ME1: variants seen among roughly 807,000 people sequenced by gnomAD.
ME1 encodes malic enzyme 1.
ME1 carries 74 observed loss-of-function variants against 66.4 expected under a neutral mutation model. That is an observed-to-expected ratio of 1.11 (90% CI 0.92 to 1.35). ME1 has a LOEUF of 1.35. Ranked by LOEUF, ME1 falls within the 40% of genes most tolerant of loss-of-function variation. The probability of loss-of-function intolerance (pLI) is 0.00; values close to 1 mark genes in which losing one functional copy is unlikely to be tolerated. For synonymous variants in ME1, 251 were observed against 235.6 expected, an observed-to-expected ratio of 1.07 and a Z score of -0.60; for missense variants, 750 against 694.1, an observed-to-expected ratio of 1.08 and a Z score of -0.90.
chr6:83,274,488 T>TA (rs1767140168), intron 6 of ME1, among the ~76,000 whole-genome samples: 2 of 152,246 alleles, frequency 1.3e-5, no homozygotes, highest in South Asian at 4.1e-4. Flanking sequence ...AGAAATTTAC[T>TA]AAAAAACTTT....
At chr6:83,319,018 T>C (rs1490139639) in intron 5 of ME1, among the ~76,000 whole-genome samples, 52 of 147,964 alleles carry the variant, frequency 3.5e-4, no homozygotes, top group Middle Eastern at 3.4e-3. Context: ...ATGGATGAAA[T>C]TGGAAATCAT....
At chr6:83,315,257 G>A (rs1768007926) in intron 6 of ME1, 53 bp downstream of exon 6, 1 of 1,078,042 alleles carries the variant, frequency 9.3e-7, no homozygotes, top group Non-Finnish European at 1.4e-6. Context: ...TTTTTTAATA[G>A]TCTGTTATGT....
At chr6:83,223,661 G>T in intron 12 of ME1, 99 bp downstream of exon 12, 1 of 1,151,298 alleles carries the variant, frequency 8.7e-7, no homozygotes, top group East Asian at 2.5e-5. Context: ...TTCTTTCAGA[G>T]AGTAAGCTGA....
At chr6:83,353,689 TGAGCAA>T (rs1249342157) in intron 3 of ME1, among the ~76,000 whole-genome samples, 1 of 152,228 alleles carries the variant, frequency 6.6e-6, no homozygotes, top group African/African-American at 2.4e-5. Context: ...TATCTCATCT[TGAGCAA>T]GTGAAAGACT....
intron 6 of ME1, among the ~76,000 whole-genome samples, chr6:83,294,739 C>T (rs975129949): frequency 2.0e-5 from 3 of 152,096 alleles, no homozygotes; most frequent in African/African-American, 7.2e-5. Flanking sequence ...GAGGGGAGGC[C>T]AATCTGTCTT....
At chr6:83,427,257 A>C (rs959044716) in intron 1 of ME1, among the ~76,000 whole-genome samples, 2 of 152,136 alleles carry the variant, frequency 1.3e-5, no homozygotes, top group African/African-American at 4.8e-5. Flanking sequence ...ATTTTAATAC[A>C]AACAAATAGT....
chr6:83,350,782 C>A (rs1176374153), intron 4 of ME1, among the ~76,000 whole-genome samples: 2 of 152,118 alleles, frequency 1.3e-5, no homozygotes, highest in Non-Finnish European at 2.9e-5. Context: ...GCCACCACTT[C>A]TGGCCAACTT....
chr6:83,346,919 CTCCT>C (rs368621149), intron 4 of ME1, among the ~76,000 whole-genome samples: 3,074 of 151,546 alleles, frequency 0.02, 54 homozygotes, highest in Non-Finnish European at 0.031. Flanking sequence ...TTTTGTCTTT[CTCCT>C]TCCTTCCTTC....
intron 7 of ME1, among the ~76,000 whole-genome samples, chr6:83,240,004 T>C (rs1376887754): frequency 6.6e-6 from 1 of 152,214 alleles, no homozygotes; most frequent in East Asian, 1.9e-4. Context: ...TCCTCATCTG[T>C]AAAGTAGTTT....
intron 1 of ME1, among the ~76,000 whole-genome samples, chr6:83,420,392 A>C (rs533429460): frequency 6.6e-6 from 1 of 152,322 alleles, no homozygotes; most frequent in East Asian, 1.9e-4. Flanking sequence ...TTAGACCTAC[A>C]TACTCAGTTA....
intron 13 of ME1, among the ~76,000 whole-genome samples, chr6:83,216,088 T>C (rs1242289971): frequency 6.6e-6 from 1 of 152,224 alleles, no homozygotes; most frequent in Non-Finnish European, 1.5e-5. Context: ...ATGCCACACA[T>C]CATAGTGACA....
In ME1 at chr6:83,267,237, AC is replaced by A. The variant is rs557194057; in HGVS notation, c.705-13500del. The stretch of plus-strand genomic sequence containing the variant: ...CCTAAAACAATACTTACTAAAAAGA[AC>A]CCAATAATCCAGCAGATTATTACAA... On this transcript the variant is annotated intron_variant, in intron 6 of 13. Coordinates refer to ENST00000369705, the MANE Select transcript of ME1 (RefSeq NM_002395.6). Among the ~76,000 whole-genome samples the A allele has an allele frequency of 5.3e-5, 8 of 152,264 alleles. No individual in the cohort carries two copies. The South Asian group carries it at 1.7e-3, about 32-fold the overall frequency.
chr6:83,325,485 A>C (rs532066727), intron 5 of ME1, among the ~76,000 whole-genome samples: 144 of 152,138 alleles, frequency 9.5e-4, no homozygotes, highest in African/African-American at 3.4e-3. Context: ...CAGCACAAAA[A>C]CTCCTTAAGC....
intron 5 of ME1, among the ~76,000 whole-genome samples, chr6:83,331,459 C>T (rs997361379): frequency 1.5e-4 from 23 of 151,544 alleles, no homozygotes; most frequent in Non-Finnish European, 2.4e-4. Flanking sequence ...TGGTGGTGGG[C>T]GCCTGTAATC....
intron 4 of ME1, among the ~76,000 whole-genome samples, chr6:83,349,016 CAG>C (rs1265551240): frequency 3.0e-5 from 3 of 100,410 alleles, no homozygotes. Flanking sequence ...AAACAAAAAA[CAG>C]TGCATTCTTT....
At chr6:83,375,730 G>A (rs1006729042) in intron 3 of ME1, among the ~76,000 whole-genome samples, 6 of 152,118 alleles carry the variant, frequency 3.9e-5, no homozygotes, top group African/African-American at 1.4e-4. Context: ...GGCTGTGGGT[G>A]TGTCATAAAT....
chr6:83,332,347 C>T (rs1768430417), intron 5 of ME1, among the ~76,000 whole-genome samples: 1 of 152,084 alleles, frequency 6.6e-6, no homozygotes, highest in Admixed American at 6.5e-5. Flanking sequence ...AACAACATGG[C>T]GATTTCTCAA....
At position 83,244,808 on chromosome 6, in the gene ME1, GCAGAAAAATGTGTTATAACA is replaced by G. The variant is rs1790588160; in HGVS notation, c.815-5192_815-5173del. Among the ~76,000 whole-genome samples the G allele has an allele frequency of 7.9e-5, 12 of 152,030 alleles. No individual in the cohort carries two copies. The South Asian group carries it at 2.5e-3, about 32-fold the overall frequency. ...AACATGAACATTTAAGGAACAGAGG[GCAGAAAAATGTGTTATAACA>G]CATTTTTGTTATAACACACATTGAC... On this transcript the variant is annotated intron_variant, in intron 7 of 13. Coordinates refer to ENST00000369705, the MANE Select transcript of ME1 (RefSeq NM_002395.6).
intron 6 of ME1, among the ~76,000 whole-genome samples, chr6:83,298,414 GT>G (rs963287305): frequency 4.7e-5 from 7 of 150,488 alleles, no homozygotes; most frequent in East Asian, 1.9e-4. Context: ...GGGGCTGTGT[GT>G]TTTTTTTTAT....
Sources: allele counts gnomAD v4.1 joint callset (sites outside exome capture counted in the v4.1 genomes callset), GRCh38; gene constraint gnomAD v4.1.1; transcripts MANE v1.5; gene names NCBI Gene and HGNC (gene_info 2026-07-23, HGNC 2026-07-21).